DNAJB6: variants seen among roughly 807,000 people sequenced by gnomAD.
DNAJB6 encodes the protein DnaJ heat shock protein family (Hsp40) member B6.
Under a neutral mutation model 42.7 loss-of-function variants are expected in DNAJB6, and 16 were observed. The observed-to-expected ratio is 0.37, with a 90% CI of 0.25 to 0.57. The LOEUF is 0.57. DNAJB6 is among the 20% of genes least tolerant of loss of function. The probability of loss-of-function intolerance (pLI) is 0.74; values close to 1 mark genes in which losing one functional copy is unlikely to be tolerated. For missense variants in DNAJB6, 347 were observed against 416.8 expected, an observed-to-expected ratio of 0.83 and a Z score of 1.46; for synonymous variants, 170 against 163.5, an observed-to-expected ratio of 1.04 and a Z score of -0.30.
At chr7:157,367,317 C>T (rs1046654136) in intron 4 of DNAJB6, 56 bp from the exon 5 acceptor site, 4 of 1,143,610 alleles carry the variant, frequency 3.5e-6, no homozygotes, top group South Asian at 2.5e-5. Context: ...ACAAAGAATT[C>T]TTTGCCTACA....
At chr7:157,401,264 C>T (rs1342577302) in intron 8 of DNAJB6, among the ~76,000 whole-genome samples, 2 of 151,930 alleles carry the variant, frequency 1.3e-5, no homozygotes, top group Admixed American at 6.6e-5. Flanking sequence ...TGTTGCCTAG[C>T]CTGGAGTGCG....
At chr7:157,377,610 ATGGTGTGGGGTGGGG>A (rs1800537361) in intron 5 of DNAJB6, among the ~76,000 whole-genome samples, 1 of 151,680 alleles carries the variant, frequency 6.6e-6, no homozygotes, top group East Asian at 1.9e-4. Flanking sequence ...CCGGGGTGGG[ATGGTGTGGGGTGGGG>A]ATCACAGGCC....
intron 1 of DNAJB6, among the ~76,000 whole-genome samples, chr7:157,338,336 C>T (rs1022999191): frequency 4.3e-4 from 63 of 145,372 alleles, no homozygotes; most frequent in African/African-American, 9.0e-4. Flanking sequence ...TCCAGACTTC[C>T]TTTTTTTTTT....
chr7:157,339,972 G>A (rs1584868770), intron 1 of DNAJB6: 1 of 152,314 alleles, frequency 6.6e-6, no homozygotes, highest in African/African-American at 2.4e-5. Context: ...ACTTGGGCAG[G>A]TATTTTTAGT....
intron 1 of DNAJB6, among the ~76,000 whole-genome samples, chr7:157,352,633 T>C (rs1344085212): frequency 1.3e-5 from 2 of 152,088 alleles, no homozygotes; most frequent in African/African-American, 4.8e-5. Flanking sequence ...GCTTTTCTCT[T>C]TCCTTCCCAC....
Position 157,341,628 on chromosome 7 carries a change from A to G in DNAJB6, c.-27+4484A>G, listed in dbSNP as rs1798387922. On this transcript the variant is annotated intron_variant, in intron 1 of 9. Coordinates refer to ENST00000262177, the MANE Select transcript of DNAJB6 (RefSeq NM_058246.4). ...TGGTATGCTTATGAACTGTGTACTA[A>G]TACTTATTCCTCTCTGCCACCTTGA... Among the ~76,000 whole-genome samples, 8 of 152,290 alleles carry G rather than the reference A, an allele frequency of 5.3e-5. 2 individuals are homozygous for G. Among genetic ancestry groups the G allele is most frequent in the Admixed American group, 5.2e-4 (8 of 15,298 alleles).
intron 1 of DNAJB6, among the ~76,000 whole-genome samples, chr7:157,342,333 ATTTTTTTTTT>A (rs11329531): frequency 1.7e-5 from 1 of 60,406 alleles, no homozygotes; most frequent in African/African-American, 7.3e-5. Context: ...ATCCTGGCTA[ATTTTTTTTTT>A]TTTTTTTTTT....
intron 8 of DNAJB6, among the ~76,000 whole-genome samples, chr7:157,390,174 C>T (rs1009749701): frequency 6.6e-6 from 1 of 152,242 alleles, no homozygotes; most frequent in Non-Finnish European, 1.5e-5. Flanking sequence ...CCCTGGACCA[C>T]AGCTGCCTGG....
intron 1 of DNAJB6, among the ~76,000 whole-genome samples, chr7:157,343,311 C>T (rs6459763): frequency 1.3e-5 from 2 of 151,764 alleles, no homozygotes; most frequent in Non-Finnish European, 2.9e-5. Context: ...AGGCGCTCAC[C>T]ACCATGCCTG....
intron 8 of DNAJB6, among the ~76,000 whole-genome samples, chr7:157,398,617 T>C (rs2117156775): frequency 6.6e-6 from 1 of 152,338 alleles, no homozygotes; most frequent in East Asian, 1.9e-4. Context: ...TGTTTTTGGC[T>C]TGAGGGGGGG....
chr7:157,352,523 G>C (rs1799044426), intron 1 of DNAJB6, among the ~76,000 whole-genome samples: 1 of 151,970 alleles, frequency 6.6e-6, no homozygotes, highest in South Asian at 2.1e-4. Context: ...GAGGTCCTTT[G>C]ACTATTCCTG....
intron 1 of DNAJB6, among the ~76,000 whole-genome samples, chr7:157,352,465 G>A (rs1312224956): frequency 6.6e-6 from 1 of 151,920 alleles, no homozygotes; most frequent in Admixed American, 6.6e-5. Flanking sequence ...TATTTATTCA[G>A]TTGAATGTGG....
intron 1 of DNAJB6, among the ~76,000 whole-genome samples, chr7:157,343,871 G>T (rs760136745): frequency 1.3e-5 from 2 of 151,928 alleles, no homozygotes; most frequent in African/African-American, 4.8e-5. Context: ...GAGATTTTTC[G>T]TTTTTTTAAA....
At position 157,338,336 on chromosome 7, in the gene DNAJB6, C is replaced by CT. The variant is rs111666619; in HGVS notation, c.-27+1205dup. Among the ~76,000 whole-genome samples the CT allele has an allele frequency of 8.3e-3, 1,198 of 145,178 alleles. 10 individuals are homozygous for CT. The highest frequency in any genetic ancestry group is 0.022 in the Middle Eastern group (6 of 276). On this transcript the variant is annotated intron_variant, in intron 1 of 9. Transcript: ENST00000262177. Reference sequence around the variant, plus strand: ...TCTCTCTGGGTTTACTCCAGACTTCCTTTTTTTTTTTTTCCTGAGACGGAG... The same window carrying CT: ...TCTCTCTGGGTTTACTCCAGACTTCCTTTTTTTTTTTTTTCCTGAGACGGAG...
intron 1 of DNAJB6, among the ~76,000 whole-genome samples, chr7:157,346,637 C>G (rs907833044): frequency 1.3e-5 from 2 of 151,950 alleles, no homozygotes; most frequent in African/African-American, 4.8e-5. Flanking sequence ...GTATAGGTAG[C>G]CTTGAAATTC....
At chr7:157,400,249 C>A (rs2240993) in intron 8 of DNAJB6, among the ~76,000 whole-genome samples, 7 of 140,472 alleles carry the variant, frequency 5.0e-5, no homozygotes, top group Non-Finnish European at 9.4e-5. Flanking sequence ...TATGTGCTCG[C>A]GTCTAGGGAG....
chr7:157,378,983 A>T (rs1287154078), intron 5 of DNAJB6: 5 of 152,224 alleles, frequency 3.3e-5, no homozygotes, highest in African/African-American at 1.2e-4. Context: ...TTAATATTTG[A>T]AATTATACGA....
rs987244340 is a variant in DNAJB6 at position 157,396,815 on chromosome 7, G to A, written c.691+11204G>A. Among the ~76,000 whole-genome samples, 38 of 152,166 alleles carry A rather than the reference G, an allele frequency of 2.5e-4. 1 individual carries two copies. The highest frequency in any genetic ancestry group is 1.3e-4 in the Non-Finnish European group (9 of 68,018). ...GCAGGGAGGCCACAGCGTATCCCCCGAGACTGAGGAACTTCAGACAGTTCA... is the reference window on the plus strand; with the variant it reads ...GCAGGGAGGCCACAGCGTATCCCCCAAGACTGAGGAACTTCAGACAGTTCA... On this transcript the variant is annotated intron_variant, in intron 8 of 9. Coordinates refer to ENST00000262177, the MANE Select transcript of DNAJB6 (RefSeq NM_058246.4).
rs1251060393 is a variant in DNAJB6 at position 157,342,760 on chromosome 7, A to AT, written c.-27+5622dup. ...GAGCCACCAAGCCTGGCCTATTATGATTTTTTAATGAAAGGGAGTTAAGCT... is the reference window on the plus strand; with the variant it reads ...GAGCCACCAAGCCTGGCCTATTATGATTTTTTTAATGAAAGGGAGTTAAGCT... On this transcript the variant is annotated intron_variant, in intron 1 of 9. Coordinates refer to ENST00000262177, the MANE Select transcript of DNAJB6 (RefSeq NM_058246.4). 1.2e-4 allele frequency among the ~76,000 whole-genome samples: 18 copies of AT among 152,168 alleles called. No individual in the cohort carries two copies. In the East Asian group the frequency reaches 2.7e-3, roughly 23 times the overall value.
Sources: gnomAD v4.1 joint callset for allele counts (sites outside exome capture counted in the v4.1 genomes callset) on GRCh38, gnomAD v4.1.1 for gene constraint, MANE v1.5 for transcripts, NCBI Gene and HGNC (gene_info 2026-07-23, HGNC 2026-07-21) for gene names.